The following EDIL3 variants were observed in gnomAD, a reference collection of about 807,000 sequenced individuals.
The protein encoded by EDIL3 is EGF like and discoidin domains 3.
Under a neutral mutation model 67.4 loss-of-function variants are expected in EDIL3, and 37 were observed. The observed-to-expected ratio is 0.55, with a 90% CI of 0.42 to 0.72. The LOEUF (loss-of-function observed/expected upper bound fraction) is 0.72. Ranked by LOEUF, EDIL3 falls within the 30% of genes least tolerant of loss-of-function variation. The pLI is 0.00. For missense variants in EDIL3, 527 were observed against 586.3 expected (o/e 0.90, Z 1.04); for synonymous variants, 195 against 196.3 (o/e 0.99, Z 0.05).
intron 4 of EDIL3, among the ~76,000 whole-genome samples, chr5:84,150,117 G>T (rs1054970060): frequency 1.3e-5 from 2 of 151,996 alleles, no homozygotes; most frequent in African/African-American, 2.4e-5. Flanking sequence ...CACGAAGAAA[G>T]CTACAAAAAG....
At chr5:84,058,156 A>G (rs1746481248) in intron 9 of EDIL3, among the ~76,000 whole-genome samples, 1 of 152,074 alleles carries the variant, frequency 6.6e-6, no homozygotes, top group African/African-American at 2.4e-5. Flanking sequence ...TTTATAAAGG[A>G]ATGGGAAGAA....
At chr5:84,180,809 A>G (rs542714500) in intron 3 of EDIL3, among the ~76,000 whole-genome samples, 6 of 152,312 alleles carry the variant, frequency 3.9e-5, no homozygotes, top group Non-Finnish European at 5.9e-5. Context: ...TATAATACAG[A>G]TGAAAAGAGT....
intron 4 of EDIL3, among the ~76,000 whole-genome samples, chr5:84,140,858 T>C (rs1748176035): frequency 6.6e-6 from 1 of 152,094 alleles, no homozygotes; most frequent in Non-Finnish European, 1.5e-5. Context: ...TAGAAGACAG[T>C]TGCAAATTAC....
At chr5:84,039,819 T>TAATAA (rs567570337) in intron 9 of EDIL3, among the ~76,000 whole-genome samples, 116 of 151,962 alleles carry the variant, frequency 7.6e-4, no homozygotes, top group African/African-American at 2.5e-3. Context: ...AGTATAATAA[T>TAATAA]AATAAAATAA....
intron 1 of EDIL3, among the ~76,000 whole-genome samples, chr5:84,262,048 A>G (rs924111637): frequency 5.3e-5 from 8 of 152,304 alleles, no homozygotes; most frequent in Admixed American, 2.0e-4. Flanking sequence ...TTGAAAAACA[A>G]AATCTTTTTG....
At chr5:84,327,776 C>T (rs1255239616) in intron 1 of EDIL3, among the ~76,000 whole-genome samples, 3 of 152,000 alleles carry the variant, frequency 2.0e-5, no homozygotes, top group African/African-American at 7.2e-5. Context: ...GCCCCAATGC[C>T]ATAGGGAAGA....
rs1746937421 is a variant in EDIL3, at chr5:84,334,181, C to A, written c.67+50127G>T. ...TCCCGGGTTCAAGCGGGAGCCTTAG[C>A]CTCCTGCGTAGCTGAGATTACAGGC... On this transcript the variant is annotated intron_variant, in intron 1 of 10. Transcript: ENST00000296591. Among the ~76,000 whole-genome samples, 2 of 151,556 alleles carry A rather than the reference C, an allele frequency of 1.3e-5. 1 individual carries two copies. Among genetic ancestry groups the A allele is most frequent in the South Asian group, 4.2e-4 (2 of 4,804 alleles).
intron 6 of EDIL3, among the ~76,000 whole-genome samples, chr5:84,103,803 G>A (rs532291633): frequency 2.0e-5 from 3 of 152,214 alleles, no homozygotes; most frequent in African/African-American, 7.2e-5. Context: ...GTGGAAAGCA[G>A]TGTGAAGATT....
intron 6 of EDIL3, among the ~76,000 whole-genome samples, chr5:84,073,173 A>G (rs1185044896): frequency 6.6e-6 from 1 of 152,158 alleles, no homozygotes; most frequent in Non-Finnish European, 1.5e-5. Flanking sequence ...CTCTCAATAA[A>G]TTAGGTATTG....
rs533202766 is a variant in EDIL3, at chr5:84,256,663, A to G, written c.68-2451T>C. Among the ~76,000 whole-genome samples, 5 of 152,322 alleles carry G rather than the reference A, an allele frequency of 3.3e-5. No homozygotes were observed. In the East Asian group the frequency reaches 9.7e-4, roughly 29 times the overall value. On this transcript the variant is annotated intron_variant, in intron 1 of 10. Coordinates refer to ENST00000296591, the MANE Select transcript of EDIL3 (RefSeq NM_005711.5). ...GCCAAAAATTTTGGAGTTTATCTTC[A>G]AGCACTGGAAAATTATAAAAGAACT...
At chr5:83,985,837 A>T (rs1328471420) in intron 9 of EDIL3, among the ~76,000 whole-genome samples, 1 of 151,958 alleles carries the variant, frequency 6.6e-6, no homozygotes, top group East Asian at 1.9e-4. Flanking sequence ...TTATTTACAC[A>T]ATTTTAAATC....
intron 2 of EDIL3, among the ~76,000 whole-genome samples, chr5:84,242,793 T>TAAAAAA (rs373595978): frequency 1.7e-5 from 2 of 120,830 alleles, no homozygotes; most frequent in African/African-American, 6.6e-5. Context: ...GACCCTATCT[T>TAAAAAA]AAAAAAAAAA....
chr5:84,005,060 C>T (rs1353395052), intron 9 of EDIL3, among the ~76,000 whole-genome samples: 1 of 152,096 alleles, frequency 6.6e-6, no homozygotes, highest in East Asian at 1.9e-4. Context: ...ATTATGAACA[C>T]TTCTATACAC....
rs553999676 is a variant in EDIL3, at chr5:84,319,248, G to A, written c.68-65036C>T. 3.9e-3 allele frequency among the ~76,000 whole-genome samples: 320 copies of A among 81,420 alleles called. 77 individuals are homozygous for A. Among genetic ancestry groups the A allele is most frequent in the Admixed American group, 0.029 (254 of 8,788 alleles). The allele number at this position is 81,420 out of a possible 152,430, so 53.4% of individuals were successfully genotyped here. A position where few individuals can be genotyped will look rare whatever the true frequency, so the allele number is the denominator to read the frequency against. ...AGCACTTTGGGAGGCCGAGGCGGGC[G>A]GATCACGAGGTCAGGAGATCGAGAC... is the stretch of plus-strand genomic sequence containing the variant. On this transcript the variant is annotated intron_variant, in intron 1 of 10. Transcript: ENST00000296591.
rs561526975 is a variant in EDIL3, at chr5:84,137,175, G to A, written c.469+66C>T. The A allele has an allele frequency of 7.1e-5, 76 of 1,066,516 alleles. 2 individuals carry two copies. In the East Asian group the frequency reaches 1.6e-3, roughly 22 times the overall value. The allele number at this position is 1,066,516 out of a possible 1,614,324, so 66.1% of individuals were successfully genotyped here. A position where few individuals can be genotyped will look rare whatever the true frequency, so the allele number is the denominator to read the frequency against. ...TATATATGCATACATATATGTGTGT[G>A]TGTATACATACACACACACACACAC... is the stretch of plus-strand genomic sequence containing the variant. On this transcript the variant is annotated intron_variant, in intron 5 of 10. Coordinates refer to ENST00000296591, the MANE Select transcript of EDIL3 (RefSeq NM_005711.5).
intron 5 of EDIL3, among the ~76,000 whole-genome samples, chr5:84,107,245 G>A (rs1747481512): frequency 6.6e-6 from 1 of 151,772 alleles, no homozygotes. Context: ...TTATCATAAA[G>A]CTGAGCTTTT....
intron 3 of EDIL3, among the ~76,000 whole-genome samples, chr5:84,187,885 G>A (rs1412319471): frequency 6.6e-6 from 1 of 151,836 alleles, no homozygotes; most frequent in Non-Finnish European, 1.5e-5. Context: ...AAACGTAAAT[G>A]TGCAAAATTC....
Position 83,943,572 on chromosome 5 carries a change from A to G in EDIL3, c.1294-4T>C, listed in dbSNP as rs1381347504. 5 of 1,611,814 alleles carry G rather than the reference A, an allele frequency of 3.1e-6. No homozygotes were observed. The South Asian group carries it at 3.3e-5, about 11-fold the overall frequency. ...TGTCAAAATTTCCCTGGAAAACCTA[A>G]TAAAGAAGAGCAGAAAAATGTCAGT... On this transcript the variant is annotated splice_region_variant and splice_polypyrimidine_tract_variant and intron_variant, in intron 10 of 10. Transcript: ENST00000296591.
intron 6 of EDIL3, among the ~76,000 whole-genome samples, chr5:84,085,288 C>T (rs113729011): frequency 2.0e-5 from 3 of 152,234 alleles, no homozygotes; most frequent in East Asian, 1.9e-4. Context: ...AGCATTTTTG[C>T]GCTGATTTTT....
Sources: allele counts gnomAD v4.1 joint callset (sites outside exome capture counted in the v4.1 genomes callset), GRCh38; gene constraint gnomAD v4.1.1; transcripts MANE v1.5; gene names NCBI Gene and HGNC (gene_info 2026-07-23, HGNC 2026-07-21).